UHMK1: variants seen among roughly 807,000 people sequenced by gnomAD.
The protein encoded by UHMK1 is serine/threonine-protein kinase Kist.
UHMK1 carries 18 observed loss-of-function variants against 44.0 expected under a neutral mutation model. The observed-to-expected ratio is 0.41, with a 90% CI of 0.28 to 0.61. The LOEUF (loss-of-function observed/expected upper bound fraction) is 0.61, where lower values mean the gene tolerates loss of function less well. Among genes scored for constraint, UHMK1 ranks in the 20% least tolerant of loss-of-function variants. The pLI, the probability that UHMK1 is intolerant of heterozygous loss-of-function variation, is 0.31. For synonymous variants in UHMK1, 231 were observed against 198.5 expected (o/e 1.16, Z -1.38); for missense variants, 463 against 522.5 (o/e 0.89, Z 1.11).
chr1:162,510,182 A>G (rs1010776507), intron 4 of UHMK1, among the ~76,000 whole-genome samples: 1 of 152,178 alleles, frequency 6.6e-6, no homozygotes, highest in East Asian at 1.9e-4. Context: ...TTAATGAACA[A>G]ATGCATTATT....
rs1425222714 is a variant in UHMK1 at position 162,518,198 on chromosome 1, A to C, written c.1113+8A>C. On this transcript the variant is annotated splice_region_variant and intron_variant, in intron 7 of 7. Coordinates refer to ENST00000489294, the MANE Select transcript of UHMK1 (RefSeq NM_175866.5). The stretch of plus-strand genomic sequence containing the variant: ...AATCCTGGCAGAGGACAAGTAAGTG[A>C]ATATTTTCATAATTGCAGATTACTC... 4 of 1,582,486 alleles carry C rather than the reference A, an allele frequency of 2.5e-6. No individual in the cohort carries two copies. The highest frequency in any genetic ancestry group is 3.5e-6 in the Non-Finnish European group (4 of 1,151,624).
chr1:162,498,580 G>T lies in UHMK1; in HGVS notation c.268+312G>T, dbSNP rs58119468. ...AGTGAGAGGAGGCATGTCTTTGCTA[G>T]ATTGTCGTGTCTTGTGTGGAAATTT... is the stretch of plus-strand genomic sequence containing the variant. On this transcript the variant is annotated intron_variant, in intron 1 of 7. Coordinates refer to ENST00000489294, the MANE Select transcript of UHMK1 (RefSeq NM_175866.5). Among the ~76,000 whole-genome samples the T allele has an allele frequency of 1.4e-3, 212 of 152,344 alleles. 5 individuals carry two copies. In the East Asian group the frequency reaches 0.034, roughly 25 times the overall value.
At position 162,498,042 on chromosome 1, in the gene UHMK1, T is replaced by C; in HGVS notation, c.42T>C (p.Arg14=). 6.2e-7 allele frequency: 1 copy of C among 1,600,436 alleles called. No homozygotes were observed. Among genetic ancestry groups the C allele is most frequent in the Admixed American group, 1.7e-5 (1 of 59,266 alleles). The part of the protein sequence containing the change: ...SGCAWGAEPP[R]FLEAFGRLWQ... ...GCGCCTGGGGCGCGGAGCCGCCGCGTTTTCTGGAGGCCTTCGGGCGGCTGT... is the reference window on the plus strand; with the variant it reads ...GCGCCTGGGGCGCGGAGCCGCCGCGCTTTCTGGAGGCCTTCGGGCGGCTGT... The change falls in exon 1 of 8, where the codon CGT becomes CGC. Residue 14 remains arginine, a synonymous_variant. Coordinates refer to ENST00000489294, the MANE Select transcript of UHMK1 (RefSeq NM_175866.5).
At chr1:162,515,608 G>C (rs919695135) in intron 6 of UHMK1, among the ~76,000 whole-genome samples, 1 of 152,180 alleles carries the variant, frequency 6.6e-6, no homozygotes, top group Non-Finnish European at 1.5e-5. Flanking sequence ...TTCAGGTTAC[G>C]AAGGTACAAT....
chr1:162,503,945 T>C, intron 4 of UHMK1, 97 bp downstream of exon 4: 4 of 909,924 alleles, frequency 4.4e-6, no homozygotes, highest in South Asian at 1.8e-5. Flanking sequence ...ATTATTTCTA[T>C]GTAAGGAACA....
chr1:162,519,204 G>T (rs1398220421), intron 7 of UHMK1, among the ~76,000 whole-genome samples: 1 of 151,754 alleles, frequency 6.6e-6, no homozygotes, highest in Non-Finnish European at 1.5e-5. Context: ...TATAGTCCCA[G>T]CTCTTCAGGG....
At chr1:162,507,397 C>T (rs1409321657) in intron 4 of UHMK1, among the ~76,000 whole-genome samples, 3 of 151,940 alleles carry the variant, frequency 2.0e-5, no homozygotes, top group Non-Finnish European at 2.9e-5. Flanking sequence ...GGATTACAGG[C>T]GTGAGCCACA....
intron 6 of UHMK1, among the ~76,000 whole-genome samples, chr1:162,515,787 C>G (rs1557945514): frequency 6.6e-6 from 1 of 152,118 alleles, no homozygotes; most frequent in Middle Eastern, 3.4e-3. Flanking sequence ...GTAATCCTAG[C>G]ATTTTGGGAG....
In UHMK1 at chr1:162,527,134, T is replaced by C. The variant is rs1571024917; in HGVS notation, c.*4584T>C. The C allele has an allele frequency of 6.6e-6, 1 of 152,238 alleles. No homozygotes were observed. Among genetic ancestry groups the C allele is most frequent in the East Asian group, 1.9e-4 (1 of 5,190 alleles). 9.4% of individuals were successfully genotyped at this position (152,238 alleles called of 1,614,324 possible). On this transcript the variant is annotated 3_prime_UTR_variant, in exon 8 of 8. Coordinates refer to ENST00000489294, the MANE Select transcript of UHMK1 (RefSeq NM_175866.5). ...ACAGAAGAACATGGATATTTTAGTT[T>C]TTGGAGTACCCAGAATTGTAAAGAT...
Position 162,498,190 on chromosome 1 carries a change from G to T in UHMK1, c.190G>T (p.Ala64Ser). Residue 64 changes from alanine (A) to serine (S), a missense_variant, in exon 1 of 8, where the codon GCT becomes TCT. Transcript: ENST00000489294. ...GTTCTTGCCGCCAGGAACCACCGGG[G>T]CTGCGGCCTCTGCCGCCGAGTATGG... Reference protein sequence around the residue: ...KQFLPPGTTGAAASAAEYGFR... With the variant: ...KQFLPPGTTGSAASAAEYGFR... The T allele has an allele frequency of 6.2e-7, 1 of 1,613,032 alleles. No individual in the cohort carries two copies. The highest frequency in any genetic ancestry group is 2.2e-5 in the East Asian group (1 of 44,848).
intron 4 of UHMK1, among the ~76,000 whole-genome samples, chr1:162,509,098 T>C (rs1255805473): frequency 6.6e-6 from 1 of 152,214 alleles, no homozygotes; most frequent in Non-Finnish European, 1.5e-5. Flanking sequence ...TATAATCCTT[T>C]TTATGTTGCC....
At chr1:162,511,644 G>A (rs1651673829) in intron 4 of UHMK1, among the ~76,000 whole-genome samples, 1 of 152,062 alleles carries the variant, frequency 6.6e-6, no homozygotes, top group Admixed American at 6.6e-5. Flanking sequence ...TGCTTGTGCT[G>A]TTGAAGTTAT....
rs1452544061 is a variant in UHMK1, at chr1:162,500,057, A to G, written c.371A>G (p.Tyr124Cys). The G allele has an allele frequency of 6.2e-7, 1 of 1,614,190 alleles. No individual in the cohort carries two copies. The highest frequency in any genetic ancestry group is 1.1e-5 in the South Asian group (1 of 91,086). The change falls in exon 2 of 8, where the codon TAT becomes TGT. Residue 124 changes from tyrosine to cysteine, a missense_variant. Transcript: ENST00000489294. ...GTCAGTGTTTCGGAATTGCTCTTAT[A>G]TTCCAGTCACCAGGGTTGTTCCATG... is the stretch of plus-strand genomic sequence containing the variant. ...LDVSVSELLL[Y>C]SSHQGCSMWM...
chr1:162,501,394 T>G (rs1571004105), intron 3 of UHMK1, among the ~76,000 whole-genome samples: 1 of 152,332 alleles, frequency 6.6e-6, no homozygotes, highest in East Asian at 1.9e-4. Flanking sequence ...GGTCTCAAAC[T>G]CCTGACCTCA....
chr1:162,500,781 A>G (rs557031586), intron 2 of UHMK1, 132 bp from the exon 3 acceptor site: 2 of 810,176 alleles, frequency 2.5e-6, no homozygotes, highest in Admixed American at 5.9e-5. Flanking sequence ...TATGGTAATC[A>G]AGGACTAAAA....
At position 162,527,659 on chromosome 1, in the gene UHMK1, T is replaced by TA. The variant is rs1571025401; in HGVS notation, c.*5110dup. The TA allele has an allele frequency of 1.3e-5, 2 of 152,094 alleles. No individual in the cohort carries two copies. The highest frequency in any genetic ancestry group is 1.9e-4 in the East Asian group (1 of 5,198). 9.4% of individuals were successfully genotyped at this position (152,094 alleles called of 1,614,324 possible). ...TAAATGCTGAAATTCATGGGAAACT[T>TA]ACCAAATGACTGCTTGAGTGTTATT... On this transcript the variant is annotated 3_prime_UTR_variant, in exon 8 of 8. Transcript: ENST00000489294.
At chr1:162,517,144 C>CA (rs769245885) in intron 6 of UHMK1, among the ~76,000 whole-genome samples, 1 of 152,088 alleles carries the variant, frequency 6.6e-6, no homozygotes, top group East Asian at 1.9e-4. Context: ...ACTAAAAATG[C>CA]AAAGATTAGC....
At chr1:162,522,201 A>C (rs1426510959) in intron 7 of UHMK1, among the ~76,000 whole-genome samples, 1 of 152,188 alleles carries the variant, frequency 6.6e-6, no homozygotes, top group Non-Finnish European at 1.5e-5. Flanking sequence ...TGCTGTCCTG[A>C]AGTATAGTTC....
rs760094223 is a variant in UHMK1 at position 162,512,726 on chromosome 1, C to T, written c.927C>T (p.Ala309=). ...LCSPFFSIPF[A]PHIEDLVMLP... ...CCATATTATGATGAATTTTAACAGC[C>T]CCTCATATTGAAGATCTGGTCATGC... is the stretch of plus-strand genomic sequence containing the variant. Residue 309 remains alanine (A), a splice_region_variant and synonymous_variant, in exon 6 of 8, where the codon GCC becomes GCT. Transcript: ENST00000489294. The T allele has an allele frequency of 1.5e-5, 24 of 1,613,750 alleles. No homozygotes were observed. In the East Asian group the frequency reaches 5.3e-4, roughly 36 times the overall value.
Sources: allele counts gnomAD v4.1 joint callset (sites outside exome capture counted in the v4.1 genomes callset), GRCh38; gene constraint gnomAD v4.1.1; transcripts MANE v1.5; gene names NCBI Gene and HGNC (gene_info 2026-07-23, HGNC 2026-07-21).